The following PDE11A variants were observed in gnomAD, a reference collection of about 807,000 sequenced individuals.
The protein encoded by PDE11A is phosphodiesterase 11A.
PDE11A carries 100 observed loss-of-function variants against 100.5 expected under a neutral mutation model. That is an observed-to-expected ratio of 1.00 (90% CI 0.85 to 1.18). PDE11A has a LOEUF of 1.18. Among genes scored for constraint, PDE11A ranks in the 50% most tolerant of loss-of-function variants. The pLI, the probability that PDE11A is intolerant of heterozygous loss-of-function variation, is 0.00. For missense variants in PDE11A, 1,141 were observed against 1,152.6 expected (o/e 0.99, Z 0.15); for synonymous variants, 381 against 420.8 (o/e 0.91, Z 1.16).
chr2:177,713,640 G>T (rs920348784), intron 12 of PDE11A, among the ~76,000 whole-genome samples: 1 of 152,004 alleles, frequency 6.6e-6, no homozygotes, highest in African/African-American at 2.4e-5. Flanking sequence ...CAGGAGAATC[G>T]CTTGAACCGG....
At chr2:177,924,223 A>T (rs938464388) in intron 2 of PDE11A, among the ~76,000 whole-genome samples, 3 of 152,234 alleles carry the variant, frequency 2.0e-5, no homozygotes, top group African/African-American at 7.2e-5. Flanking sequence ...ATGTAATATG[A>T]TCACATATGA....
At chr2:177,964,562 C>G (rs536551624) in intron 2 of PDE11A, among the ~76,000 whole-genome samples, 28 of 152,256 alleles carry the variant, frequency 1.8e-4, no homozygotes, top group Admixed American at 2.6e-4. Context: ...CAAATAGGCT[C>G]TAGCGTCTAT....
At chr2:177,770,377 A>G (rs1478216033) in intron 9 of PDE11A, among the ~76,000 whole-genome samples, 1 of 152,234 alleles carries the variant, frequency 6.6e-6, no homozygotes, top group African/African-American at 2.4e-5. Context: ...ATGTCATTTG[A>G]GTGAGAATCA....
At chr2:177,770,414 C>G (rs1353243917) in intron 9 of PDE11A, among the ~76,000 whole-genome samples, 3 of 152,244 alleles carry the variant, frequency 2.0e-5, no homozygotes, top group Non-Finnish European at 4.4e-5. Flanking sequence ...TACATCATAA[C>G]TCACTGACAC....
intron 19 of PDE11A, among the ~76,000 whole-genome samples, chr2:177,638,045 G>C (rs2080076624): frequency 2.2e-5 from 3 of 134,534 alleles, no homozygotes; most frequent in South Asian, 4.6e-4. Context: ...TGTCACCCAG[G>C]CTGGAGTGCA....
At chr2:177,771,312 A>C (rs1305744972) in intron 9 of PDE11A, among the ~76,000 whole-genome samples, 1 of 152,250 alleles carries the variant, frequency 6.6e-6, no homozygotes, top group Non-Finnish European at 1.5e-5. Context: ...TTTAGGTAAC[A>C]TTAAACTGGT....
At chr2:177,651,832 A>T (rs1385375506) in intron 19 of PDE11A, among the ~76,000 whole-genome samples, 1 of 151,642 alleles carries the variant, frequency 6.6e-6, no homozygotes, top group Non-Finnish European at 1.5e-5. Flanking sequence ...TGCTTGTAGG[A>T]GTTATTGGTT....
At chr2:177,875,781 T>C (rs2084228802) in intron 5 of PDE11A, 78 bp downstream of exon 5, 3 of 906,196 alleles carry the variant, frequency 3.3e-6, no homozygotes, top group Admixed American at 3.4e-5. Context: ...ACTACTACTA[T>C]CTTCTAAGAA....
chr2:178,076,719 TACTTAAA>T (rs2087211760), upstream of PDE11A, among the ~76,000 whole-genome samples: 1 of 152,244 alleles, frequency 6.6e-6, no homozygotes, highest in Non-Finnish European at 1.5e-5. Flanking sequence ...AAAACTTAGT[TACTTAAA>T]ACAACAATTT....
At chr2:177,839,941 T>C (rs943014726) in intron 6 of PDE11A, among the ~76,000 whole-genome samples, 2 of 152,172 alleles carry the variant, frequency 1.3e-5, no homozygotes, top group African/African-American at 4.8e-5. Context: ...TTTATAAATA[T>C]GGTAGTTGTT....
At chr2:178,055,278 A>G (rs1338859687) in intron 1 of PDE11A, among the ~76,000 whole-genome samples, 3 of 142,758 alleles carry the variant, frequency 2.1e-5, no homozygotes, top group Non-Finnish European at 3.1e-5. Flanking sequence ...GTTCTCACTT[A>G]TAGGTGGGAA....
chr2:177,946,873 C>T (rs1259153052), intron 2 of PDE11A, among the ~76,000 whole-genome samples: 29 of 74,576 alleles, frequency 3.9e-4, no homozygotes, highest in South Asian at 6.3e-4. Flanking sequence ...CCGCCCCGTC[C>T]GGGAGGTGAG....
intron 5 of PDE11A, among the ~76,000 whole-genome samples, chr2:177,845,533 C>A (rs1381040437): frequency 2.0e-5 from 3 of 151,644 alleles, no homozygotes; most frequent in African/African-American, 4.8e-5. Context: ...CGGAGACGCT[C>A]CTCACTTTCC....
intron 13 of PDE11A, among the ~76,000 whole-genome samples, chr2:177,709,705 C>T (rs144486562): frequency 1.4e-4 from 21 of 152,172 alleles, no homozygotes; most frequent in Non-Finnish European, 2.1e-4. Flanking sequence ...CTGAAACCAA[C>T]GGAGATTCAA....
At chr2:177,958,905 T>C (rs947844753) in intron 2 of PDE11A, among the ~76,000 whole-genome samples, 1 of 152,214 alleles carries the variant, frequency 6.6e-6, no homozygotes, top group Admixed American at 6.5e-5. Context: ...ACAAAATTTA[T>C]TGAGCCCCTT....
chr2:178,107,721 CTTTTTTT>C (rs1159976078), intron 1 of PDE11A, among the ~76,000 whole-genome samples: 4 of 123,052 alleles, frequency 3.3e-5, no homozygotes, highest in African/African-American at 9.1e-5. Flanking sequence ...CTTTTTTTTT[CTTTTTTT>C]TTTTTTTTTT....
chr2:177,837,599 T>C (rs1019713713), intron 6 of PDE11A, among the ~76,000 whole-genome samples: 2 of 152,068 alleles, frequency 1.3e-5, no homozygotes, highest in African/African-American at 4.8e-5. Context: ...TTCAAGTTAA[T>C]AGCTGTGTGA....
At chr2:177,694,979 CCT>C (rs1380538779) in intron 15 of PDE11A, among the ~76,000 whole-genome samples, 1 of 151,736 alleles carries the variant, frequency 6.6e-6, no homozygotes, top group Non-Finnish European at 1.5e-5. Flanking sequence ...TCTTCCTCTC[CCT>C]GTTTTCTCTG....
intron 9 of PDE11A, among the ~76,000 whole-genome samples, chr2:177,773,893 A>G (rs1301893234): frequency 6.6e-6 from 1 of 152,166 alleles, no homozygotes; most frequent in Non-Finnish European, 1.5e-5. Context: ...CCGTAGAAAA[A>G]CCAACAAGCC....
Sources: gnomAD v4.1 joint callset for allele counts (sites outside exome capture counted in the v4.1 genomes callset) on GRCh38, gnomAD v4.1.1 for gene constraint, MANE v1.5 for transcripts, NCBI Gene and HGNC (gene_info 2026-07-23, HGNC 2026-07-21) for gene names.